GRM8: variants seen among roughly 807,000 people sequenced by gnomAD.
GRM8 encodes metabotropic glutamate receptor 8.
Under a neutral mutation model 87.2 loss-of-function variants are expected in GRM8, and 47 were observed. The observed-to-expected ratio is 0.54, with a 90% CI of 0.43 to 0.69. GRM8 has a LOEUF of 0.69. Ranked by LOEUF, GRM8 falls within the 30% of genes least tolerant of loss-of-function variation. The pLI is 0.00. For synonymous variants in GRM8, 396 were observed against 404.5 expected (o/e 0.98, Z 0.25); for missense variants, 1,019 against 1,139.2 (o/e 0.89, Z 1.52).
chr7:127,072,104 A>T (rs1165161940), intron 3 of GRM8, among the ~76,000 whole-genome samples: 1 of 151,832 alleles, frequency 6.6e-6, no homozygotes, highest in African/African-American at 2.4e-5. Context: ...GGCATAGACA[A>T]CTAGCTTCCA....
chr7:126,859,519 T>G (rs1292919685), intron 6 of GRM8, among the ~76,000 whole-genome samples: 1 of 152,208 alleles, frequency 6.6e-6, no homozygotes, highest in Non-Finnish European at 1.5e-5. Context: ...TATCCAAATG[T>G]GAAAAGTAGC....
chr7:126,742,599 A>C (rs1815140167), intron 7 of GRM8, among the ~76,000 whole-genome samples: 1 of 151,886 alleles, frequency 6.6e-6, no homozygotes, highest in Admixed American at 6.6e-5. Context: ...TTTTACCCTC[A>C]GTGCCCAGAC....
At chr7:126,489,320 A>T (rs1006003377) in intron 9 of GRM8, among the ~76,000 whole-genome samples, 2 of 152,100 alleles carry the variant, frequency 1.3e-5, no homozygotes, top group Admixed American at 6.6e-5. Flanking sequence ...AATCAATATC[A>T]GCTATTAACA....
intron 10 of GRM8, among the ~76,000 whole-genome samples, chr7:126,440,783 A>C (rs1801384278): frequency 6.6e-6 from 1 of 152,046 alleles, no homozygotes; most frequent in African/African-American, 2.4e-5. Flanking sequence ...GCAAAGACAA[A>C]ATTGCCTAAC....
chr7:127,106,010 A>G (rs1825772562), intron 3 of GRM8, among the ~76,000 whole-genome samples: 1 of 152,216 alleles, frequency 6.6e-6, no homozygotes. Context: ...AAAACGCAAA[A>G]AGTCAAATAT....
chr7:126,716,511 G>C (rs573408043), intron 7 of GRM8, among the ~76,000 whole-genome samples: 11 of 152,098 alleles, frequency 7.2e-5, no homozygotes, highest in African/African-American at 2.7e-4. Flanking sequence ...GGGTGCTGAG[G>C]GTGGGTGCTG....
At chr7:126,967,421 C>T (rs951384982) in intron 3 of GRM8, among the ~76,000 whole-genome samples, 3 of 152,116 alleles carry the variant, frequency 2.0e-5, no homozygotes, top group African/African-American at 7.2e-5. Context: ...CATATTCACA[C>T]ACATTTTTCA....
intron 2 of GRM8, among the ~76,000 whole-genome samples, chr7:127,132,408 C>T (rs943500769): frequency 5.9e-5 from 9 of 152,030 alleles, no homozygotes; most frequent in Non-Finnish European, 1.2e-4. Context: ...CCAAGTCATC[C>T]GGTCTTTCAT....
intron 2 of GRM8, among the ~76,000 whole-genome samples, chr7:127,168,127 A>G (rs1488192135): frequency 6.6e-6 from 1 of 152,224 alleles, no homozygotes; most frequent in Non-Finnish European, 1.5e-5. Context: ...AATGGCTAAT[A>G]TCCAGAATCT....
intron 3 of GRM8, among the ~76,000 whole-genome samples, chr7:126,992,472 C>T (rs779926226): frequency 1.3e-5 from 2 of 151,796 alleles, no homozygotes; most frequent in Admixed American, 1.3e-4. Flanking sequence ...TAACAATAGG[C>T]AATTGGAAAT....
intron 7 of GRM8, among the ~76,000 whole-genome samples, chr7:126,668,050 G>A (rs1264076958): frequency 1.3e-5 from 2 of 152,176 alleles, no homozygotes; most frequent in Admixed American, 1.3e-4. Flanking sequence ...CCTGCCCACT[G>A]GGGTGGAGCC....
intron 7 of GRM8, among the ~76,000 whole-genome samples, chr7:126,665,872 T>G (rs1026721635): frequency 6.6e-6 from 1 of 152,136 alleles, no homozygotes; most frequent in South Asian, 2.1e-4. Flanking sequence ...TTTTATTGTT[T>G]TCAATAATCT....
At chr7:127,153,723 C>A (rs1488875279) in intron 2 of GRM8, among the ~76,000 whole-genome samples, 1 of 152,116 alleles carries the variant, frequency 6.6e-6, no homozygotes, top group Non-Finnish European at 1.5e-5. Flanking sequence ...GTGTCACCAG[C>A]ACCTAGCACA....
chr7:127,198,415 G>A (rs1180451908), intron 2 of GRM8, among the ~76,000 whole-genome samples: 1 of 152,254 alleles, frequency 6.6e-6, no homozygotes, highest in Admixed American at 6.5e-5. Context: ...TCACCTGAGC[G>A]AGTTTCCTAT....
At chr7:126,749,195 T>C (rs1816091809) in intron 7 of GRM8, among the ~76,000 whole-genome samples, 1 of 152,068 alleles carries the variant, frequency 6.6e-6, no homozygotes, top group Non-Finnish European at 1.5e-5. Flanking sequence ...GGAGAATCGC[T>C]TGAACCGGGA....
At chr7:126,808,662 T>C (rs563971064) in intron 6 of GRM8, among the ~76,000 whole-genome samples, 1 of 152,316 alleles carries the variant, frequency 6.6e-6, no homozygotes, top group South Asian at 2.1e-4. Context: ...ATCCTTGGGC[T>C]CTTGAGTAAA....
intron 7 of GRM8, among the ~76,000 whole-genome samples, chr7:126,700,050 C>G (rs917084138): frequency 1.3e-5 from 2 of 152,040 alleles, no homozygotes; most frequent in African/African-American, 4.8e-5. Context: ...AAAACCAGAA[C>G]CAAGGCACAC....
chr7:127,175,068 T>C (rs1212503788), intron 2 of GRM8, among the ~76,000 whole-genome samples: 1 of 152,144 alleles, frequency 6.6e-6, no homozygotes, highest in Non-Finnish European at 1.5e-5. Context: ...ACTAGAAAGT[T>C]TTCCTTGACT....
At chr7:126,916,700 T>G (rs1343296332) in intron 3 of GRM8, among the ~76,000 whole-genome samples, 2 of 152,218 alleles carry the variant, frequency 1.3e-5, no homozygotes, top group Non-Finnish European at 2.9e-5. Context: ...GTGGCTGAGA[T>G]TCTCAATTTA....
Sources: allele counts gnomAD v4.1 joint callset (sites outside exome capture counted in the v4.1 genomes callset), GRCh38; gene constraint gnomAD v4.1.1; transcripts MANE v1.5; gene names NCBI Gene and HGNC (gene_info 2026-07-23, HGNC 2026-07-21).